VWA3B: variants seen among roughly 807,000 people sequenced by gnomAD.
VWA3B encodes von Willebrand factor A domain containing 3B.
Under a neutral mutation model 158.3 loss-of-function variants are expected in VWA3B, and 138 were observed. That is an observed-to-expected ratio of 0.87 (90% CI 0.76 to 1.00). The LOEUF is 1.00. Ranked by LOEUF, VWA3B falls within the 50% of genes least tolerant of loss-of-function variation. The pLI, the probability that VWA3B is intolerant of heterozygous loss-of-function variation, is 0.00. For missense variants in VWA3B, 1,555 were observed against 1,565.1 expected (o/e 0.99, Z 0.11); for synonymous variants, 596 against 587.3 (o/e 1.01, Z -0.21).
At chr2:98,270,958 C>T (rs1574247859) in intron 22 of VWA3B, 75 bp downstream of exon 22, 1 of 1,420,444 alleles carries the variant, frequency 7.0e-7, no homozygotes, top group African/African-American at 1.4e-5. Context: ...ACATTGGCTT[C>T]CTTCTCTGTC....
intron 12 of VWA3B, among the ~76,000 whole-genome samples, chr2:98,211,441 T>C (rs74627779): frequency 6.6e-6 from 1 of 152,216 alleles, no homozygotes; most frequent in Non-Finnish European, 1.5e-5. Flanking sequence ...ATTTGAGAGA[T>C]TGCTAAAAAC....
At chr2:98,315,852 C>G (rs748538176), downstream of VWA3B, among the ~76,000 whole-genome samples, 7 of 152,058 alleles carry the variant, frequency 4.6e-5, no homozygotes, top group Non-Finnish European at 1.5e-5. Context: ...TTCAGTGAGA[C>G]GAAGGATATA....
At chr2:98,139,114 C>G (rs538438671) in intron 7 of VWA3B, among the ~76,000 whole-genome samples, 1 of 152,340 alleles carries the variant, frequency 6.6e-6, no homozygotes, top group South Asian at 2.1e-4. Flanking sequence ...GCCGGCCCTG[C>G]CGGCCCCAGG....
chr2:98,091,279 C>T (rs1292235180), intron 1 of VWA3B, among the ~76,000 whole-genome samples: 1 of 152,170 alleles, frequency 6.6e-6, no homozygotes, highest in Non-Finnish European at 1.5e-5. Context: ...TGTGGCAGAA[C>T]CTGTGAGCAA....
intron 2 of VWA3B, among the ~76,000 whole-genome samples, chr2:98,098,827 GT>G (rs1372700560): frequency 6.6e-6 from 1 of 151,922 alleles, no homozygotes; most frequent in African/African-American, 2.4e-5. Context: ...TTTTTCTCTA[GT>G]AGTATGTTTT....
At position 98,312,988 on chromosome 2, in the gene VWA3B, C is replaced by T. The variant is rs1452153167; in HGVS notation, c.*639C>T. 6.6e-6 allele frequency: 1 copy of T among 152,210 alleles called. No individual in the cohort carries two copies. The highest frequency in any genetic ancestry group is 1.9e-4 in the East Asian group (1 of 5,190). The allele number at this position is 152,210 out of a possible 1,614,324, so 9.4% of individuals were successfully genotyped here. A position where few individuals can be genotyped will look rare whatever the true frequency, so the allele number is the denominator to read the frequency against. On this transcript the variant is annotated 3_prime_UTR_variant, in exon 28 of 28. Coordinates refer to ENST00000477737, the MANE Select transcript of VWA3B (RefSeq NM_144992.5). ...ATTTGTTACCATTTTTCTCTGAACA[C>T]ATTTTAGCAATGACATATGAAAGTA... is the stretch of plus-strand genomic sequence containing the variant.
intron 19 of VWA3B, among the ~76,000 whole-genome samples, chr2:98,245,007 C>T (rs1686301602): frequency 6.6e-6 from 1 of 152,096 alleles, no homozygotes; most frequent in South Asian, 2.1e-4. Flanking sequence ...TCGATCACTA[C>T]CTCTACCTCT....
chr2:98,281,232 G>C (rs903889579), intron 22 of VWA3B, among the ~76,000 whole-genome samples: 1 of 152,202 alleles, frequency 6.6e-6, no homozygotes, highest in Non-Finnish European at 1.5e-5. Flanking sequence ...AAACGCTTCA[G>C]GTTAGCCCTG....
intron 10 of VWA3B, among the ~76,000 whole-genome samples, chr2:98,192,599 G>T (rs1285554493): frequency 6.6e-6 from 1 of 152,176 alleles, no homozygotes; most frequent in Non-Finnish European, 1.5e-5. Context: ...GGTCACAGGG[G>T]ATATGATGGC....
chr2:98,160,481 G>A (rs1051145111), intron 7 of VWA3B, among the ~76,000 whole-genome samples: 3 of 152,088 alleles, frequency 2.0e-5, no homozygotes, highest in African/African-American at 4.8e-5. Flanking sequence ...AGCACGTCCC[G>A]GTCACTGCTG....
chr2:98,250,174 A>G (rs1231849099), intron 19 of VWA3B, 144 bp from the exon 20 acceptor site: 6 of 578,898 alleles, frequency 1.0e-5, no homozygotes, highest in Non-Finnish European at 1.8e-5. Flanking sequence ...TCTGTGATTT[A>G]CTGTGTTTTC....
intron 12 of VWA3B, among the ~76,000 whole-genome samples, chr2:98,204,513 A>G (rs1682850051): frequency 6.6e-6 from 1 of 152,220 alleles, no homozygotes. Context: ...TGATATGCTC[A>G]TATGATTTTT....
chr2:98,211,899 A>G (rs563495810), intron 12 of VWA3B, 31 bp from the exon 13 acceptor site: 2 of 1,588,828 alleles, frequency 1.3e-6, no homozygotes, highest in South Asian at 1.1e-5. Context: ...TTGGGATTCA[A>G]GTGTGTCCTT....
At chr2:98,171,130 C>T (rs1433807829) in intron 8 of VWA3B, among the ~76,000 whole-genome samples, 2 of 152,182 alleles carry the variant, frequency 1.3e-5, no homozygotes, top group African/African-American at 2.4e-5. Flanking sequence ...TTAATCCACT[C>T]GTCTATTCTT....
chr2:98,194,638 G>A, intron 12 of VWA3B, 146 bp downstream of exon 12: 1 of 909,106 alleles, frequency 1.1e-6, no homozygotes, highest in Non-Finnish European at 1.6e-6. Flanking sequence ...TTTGCTTGCA[G>A]TGGTCACGTT....
intron 5 of VWA3B, 43 bp from the exon 6 acceptor site, chr2:98,128,196 G>T: frequency 1.2e-6 from 2 of 1,607,182 alleles, no homozygotes; most frequent in Non-Finnish European, 1.7e-6. Flanking sequence ...TACCAAGCTA[G>T]GGCATGTGAG....
intron 8 of VWA3B, among the ~76,000 whole-genome samples, chr2:98,173,624 C>T (rs757793449): frequency 6.6e-5 from 10 of 152,092 alleles, no homozygotes; most frequent in Admixed American, 2.6e-4. Flanking sequence ...TACTGGAATG[C>T]GATACAGGTA....
the VWA3B span, among the ~76,000 whole-genome samples, chr2:98,320,232 CT>C: frequency 3.3e-5 from 5 of 152,206 alleles, no homozygotes; most frequent in African/African-American, 1.2e-4. Flanking sequence ...TAAGTCATGG[CT>C]TTCCTCCTCC....
At chr2:98,233,358 G>A (rs1019778368) in intron 16 of VWA3B, among the ~76,000 whole-genome samples, 31 of 152,138 alleles carry the variant, frequency 2.0e-4, no homozygotes, top group African/African-American at 6.5e-4. Context: ...GTTTCATTCC[G>A]TATTTGTGGC....
Sources: gnomAD v4.1 joint callset for allele counts (sites outside exome capture counted in the v4.1 genomes callset) on GRCh38, gnomAD v4.1.1 for gene constraint, MANE v1.5 for transcripts, NCBI Gene and HGNC (gene_info 2026-07-23, HGNC 2026-07-21) for gene names.